DLGAP2: variants seen among roughly 807,000 people sequenced by gnomAD.
The protein encoded by DLGAP2 is disks large-associated protein 2.
In DLGAP2, 26 loss-of-function variants were observed where a neutral mutation model predicts 100.3. The ratio of observed to expected loss-of-function variants is 0.26; its 90% CI spans 0.19 to 0.36. The LOEUF (loss-of-function observed/expected upper bound fraction) is 0.36, where lower values mean the gene tolerates loss of function less well. Ranked by LOEUF, DLGAP2 falls within the 10% of genes least tolerant of loss-of-function variation. The pLI, the probability that DLGAP2 is intolerant of heterozygous loss-of-function variation, is 1.00. For missense variants in DLGAP2, 1,858 were observed against 1,453.2 expected, an observed-to-expected ratio of 1.28 and a Z score of -4.53; for synonymous variants, 886 against 630.1, an observed-to-expected ratio of 1.41 and a Z score of -6.08.
chr8:1,045,637 C>T (rs1051603326), intron 2 of DLGAP2, among the ~76,000 whole-genome samples: 2 of 152,150 alleles, frequency 1.3e-5, no homozygotes, highest in African/African-American at 2.4e-5. Flanking sequence ...CCTCCCCAAC[C>T]GCGCCCCCAC....
At chr8:1,332,158 A>AGT (rs1222792744) in intron 3 of DLGAP2, among the ~76,000 whole-genome samples, 3 of 151,840 alleles carry the variant, frequency 2.0e-5, no homozygotes, top group Admixed American at 1.3e-4. Context: ...GGTGTGTGTG[A>AGT]GTGTGTGTGT....
intron 2 of DLGAP2, among the ~76,000 whole-genome samples, chr8:1,255,021 TGTGTCTTCTCCTGCCCAGCC>T (rs1799153116): frequency 2.6e-5 from 3 of 115,020 alleles, no homozygotes; most frequent in African/African-American, 6.9e-5. Flanking sequence ...GCGCTGTGTG[TGTGTCTTCTCCTGCCCAGCC>T]GCTGTGTGTG....
chr8:1,288,632 T>A (rs1312274473), intron 3 of DLGAP2, among the ~76,000 whole-genome samples: 1 of 144,976 alleles, frequency 6.9e-6, no homozygotes, highest in Non-Finnish European at 1.5e-5. Context: ...TAGTTTCATT[T>A]CAGTGTGTGT....
intron 3 of DLGAP2, among the ~76,000 whole-genome samples, chr8:1,361,310 C>T (rs1220313997): frequency 6.6e-6 from 1 of 152,234 alleles, no homozygotes; most frequent in African/African-American, 2.4e-5. Flanking sequence ...CAACACACAA[C>T]TTTAGAGTAG....
intron 3 of DLGAP2, among the ~76,000 whole-genome samples, chr8:1,333,294 C>T (rs1801199797): frequency 6.6e-6 from 1 of 152,144 alleles, no homozygotes; most frequent in African/African-American, 2.4e-5. Flanking sequence ...CCTCGAGTCT[C>T]AGGACACGGG....
At chr8:1,073,185 A>G (rs1265452429) in intron 2 of DLGAP2, among the ~76,000 whole-genome samples, 5 of 152,356 alleles carry the variant, frequency 3.3e-5, no homozygotes, top group Admixed American at 6.5e-5. Context: ...TTCAATAGAA[A>G]TGACACCAGC....
At chr8:881,815 T>C (rs1036378795) in intron 1 of DLGAP2, among the ~76,000 whole-genome samples, 9 of 151,968 alleles carry the variant, frequency 5.9e-5, no homozygotes, top group African/African-American at 1.7e-4. Flanking sequence ...CTGTGTCCAG[T>C]CCATCTCTCT....
At chr8:1,121,307 C>G (rs1796040937) in intron 2 of DLGAP2, among the ~76,000 whole-genome samples, 1 of 151,688 alleles carries the variant, frequency 6.6e-6, no homozygotes, top group African/African-American at 2.4e-5. Context: ...CCATGGCCAC[C>G]CATCCTCGTC....
intron 6 of DLGAP2, among the ~76,000 whole-genome samples, chr8:1,593,195 C>T (rs1796342161): frequency 6.6e-6 from 1 of 152,118 alleles, no homozygotes; most frequent in South Asian, 2.1e-4. Context: ...TGGCTCACTC[C>T]TGTAATCCCA....
chr8:1,193,735 C>T (rs760370427), intron 2 of DLGAP2, among the ~76,000 whole-genome samples: 9 of 152,164 alleles, frequency 5.9e-5, no homozygotes, highest in South Asian at 2.1e-4. Context: ...GGACAGCATC[C>T]GGGTTGGGGG....
chr8:813,588 T>C (rs572937709), intron 1 of DLGAP2, among the ~76,000 whole-genome samples: 3 of 152,270 alleles, frequency 2.0e-5, no homozygotes, highest in African/African-American at 7.2e-5. Context: ...TAAACTGATA[T>C]GGAAATTATA....
At chr8:1,617,968 G>T (rs184606838) in intron 6 of DLGAP2, among the ~76,000 whole-genome samples, 1 of 152,266 alleles carries the variant, frequency 6.6e-6, no homozygotes, top group South Asian at 2.1e-4. Flanking sequence ...TAAGTAAAAG[G>T]CTACAGTTCT....
chr8:1,078,620 T>C (rs767140651), intron 2 of DLGAP2, among the ~76,000 whole-genome samples: 2 of 152,232 alleles, frequency 1.3e-5, no homozygotes, highest in African/African-American at 2.4e-5. Flanking sequence ...CTTCATAGTT[T>C]TTTCTTTTCC....
chr8:1,503,187 T>A (rs969788683), intron 4 of DLGAP2, among the ~76,000 whole-genome samples: 13 of 152,120 alleles, frequency 8.5e-5, no homozygotes, highest in Non-Finnish European at 1.8e-4. Context: ...TTCAACAGCA[T>A]TAAATGCATT....
At chr8:1,580,369 G>A (rs955462175) in intron 6 of DLGAP2, among the ~76,000 whole-genome samples, 1 of 152,166 alleles carries the variant, frequency 6.6e-6, no homozygotes, top group East Asian at 1.9e-4. Flanking sequence ...CAGCAGGCTC[G>A]ACATAACGAA....
At chr8:1,386,112 A>C (rs1164241042) in intron 3 of DLGAP2, among the ~76,000 whole-genome samples, 1 of 152,262 alleles carries the variant, frequency 6.6e-6, no homozygotes, top group Non-Finnish European at 1.5e-5. Context: ...GGAAAATGAC[A>C]AAATAATGGA....
At chr8:999,914 A>ATCCGGGTGGAGGTGGTTTTCTTT (rs1800896933) in intron 2 of DLGAP2, among the ~76,000 whole-genome samples, 1 of 151,334 alleles carries the variant, frequency 6.6e-6, no homozygotes, top group South Asian at 2.1e-4. Flanking sequence ...GAGCAGACAG[A>ATCCGGGTGGAGGTGGTTTTCTTT]TCCGGGTGGA....
intron 2 of DLGAP2, among the ~76,000 whole-genome samples, chr8:1,001,727 C>T (rs558980395): frequency 1.3e-5 from 2 of 152,172 alleles, no homozygotes; most frequent in Non-Finnish European, 2.9e-5. Context: ...TTTTTCTCTA[C>T]TATTGCTGTA....
intron 1 of DLGAP2, among the ~76,000 whole-genome samples, chr8:773,477 C>T (rs531044443): frequency 2.0e-5 from 3 of 151,440 alleles, no homozygotes; most frequent in South Asian, 4.2e-4. Context: ...AGGTATATCG[C>T]CCAGTGCTAT....
Sources: allele counts gnomAD v4.1 joint callset (sites outside exome capture counted in the v4.1 genomes callset), GRCh38; gene constraint gnomAD v4.1.1; transcripts MANE v1.5; gene names NCBI Gene and HGNC (gene_info 2026-07-23, HGNC 2026-07-21).